IGFBP1: variants seen among roughly 807,000 people sequenced by gnomAD.
IGFBP1 encodes the protein insulin-like growth factor-binding protein 1.
A neutral mutation model predicts 23.1 loss-of-function variants in IGFBP1; 31 were observed. The observed-to-expected ratio is 1.34, with a 90% confidence interval of 1.01 to 1.81. IGFBP1 has a LOEUF of 1.81. IGFBP1 is among the 40% of genes most tolerant of loss of function. The pLI, the probability that IGFBP1 is intolerant of heterozygous loss-of-function variation, is 0.00. For missense variants in IGFBP1, 333 were observed against 342.2 expected (o/e 0.97, Z 0.21); for synonymous variants, 148 against 145.5 (o/e 1.02, Z -0.13).
chr7:45,893,187 T>C lies in IGFBP1; in HGVS notation c.*96T>C. The C allele has an allele frequency of 3.6e-6, 2 of 549,806 alleles. No homozygotes were observed. The highest frequency in any genetic ancestry group is 5.7e-5 in the South Asian group (1 of 17,396). The allele number at this position is 549,806 out of a possible 1,614,324, so 34.1% of individuals were successfully genotyped here. The stretch of plus-strand genomic sequence containing the variant: ...ACATTTATATATATATGTATATGTA[T>C]ATATATATAGTAACTACTTTTTATA... On this transcript the variant is annotated 3_prime_UTR_variant, in exon 4 of 4. Transcript: ENST00000275525.
intron 2 of IGFBP1, among the ~76,000 whole-genome samples, chr7:45,891,283 C>T (rs914353705): frequency 6.6e-6 from 1 of 152,186 alleles, no homozygotes; most frequent in Admixed American, 6.5e-5. Context: ...AATTCTACCA[C>T]TTGAGGGCGA....
Position 45,888,915 on chromosome 7 carries a change from CG to C in IGFBP1, c.268del (p.Glu90SerfsTer40), listed in dbSNP as rs747136225. Reference sequence around the variant, plus strand: ...CGGGGACTCAGTTGCCGCGCGCTGCCGGGGGAGCAGCAACCTCTGCACGCCC... The same window carrying C: ...CGGGGACTCAGTTGCCGCGCGCTGCCGGGGAGCAGCAACCTCTGCACGCCC... ...CARGLSCRAL[P>X]GEQQPLHALT... On this transcript the variant is annotated frameshift_variant, in exon 1 of 4. Coordinates refer to ENST00000275525, the MANE Select transcript of IGFBP1 (RefSeq NM_000596.4). LOFTEE classifies it high-confidence loss of function. The C allele has an allele frequency of 4.7e-6, 7 of 1,503,808 alleles. No individual in the cohort carries two copies. Among genetic ancestry groups the C allele is most frequent in the South Asian group, 3.8e-5 (3 of 79,364 alleles). 93.2% of individuals were successfully genotyped at this position (1,503,808 alleles called of 1,614,324 possible).
chr7:45,889,117 C>T lies in IGFBP1; in HGVS notation c.349+116C>T. Reference sequence around the variant, plus strand: ...CTGCAGCCGGGCAGGGGCTTGTCCACAACTAGAGCTTGAAACCAGAGCACG... The same window carrying T: ...CTGCAGCCGGGCAGGGGCTTGTCCATAACTAGAGCTTGAAACCAGAGCACG... On this transcript the variant is annotated intron_variant, in intron 1 of 3. Coordinates refer to ENST00000275525, the MANE Select transcript of IGFBP1 (RefSeq NM_000596.4). 4 of 759,470 alleles carry T rather than the reference C, an allele frequency of 5.3e-6. No homozygotes were observed. In the South Asian group the frequency reaches 8.2e-5, roughly 16 times the overall value. 47.0% of individuals were successfully genotyped at this position (759,470 alleles called of 1,614,324 possible). A position where few individuals can be genotyped will look rare whatever the true frequency, so the allele number is the denominator to read the frequency against.
In IGFBP1 at chr7:45,888,545, C is replaced by CAG. The variant is rs1787014718; in HGVS notation, c.-103_-102dup. The CAG allele has an allele frequency of 7.3e-6, 7 of 959,850 alleles. No individual in the cohort carries two copies. The East Asian group carries it at 1.9e-4, about 26-fold the overall frequency. 59.5% of individuals were successfully genotyped at this position (959,850 alleles called of 1,614,324 possible). On this transcript the variant is annotated 5_prime_UTR_variant, in exon 1 of 4. Coordinates refer to ENST00000275525, the MANE Select transcript of IGFBP1 (RefSeq NM_000596.4). ...TGCCGCCGCGCCGCCGCCACCCTCC[C>CAG]AGAGAGCACTGGCCACCGCTCCACC...
chr7:45,888,675 G>C lies in IGFBP1; in HGVS notation c.23G>C (p.Arg8Pro). MSEVPVA[R>P]VWLVLLLLTV... ...GAGATGTCAGAGGTCCCCGTTGCTC[G>C]CGTCTGGCTGGTACTGCTCCTGCTG... Residue 8 changes from arginine (R) to proline (P), a missense_variant, in exon 1 of 4, where the codon CGC becomes CCC. Transcript: ENST00000275525. 1 of 1,598,174 alleles carries C rather than the reference G, an allele frequency of 6.3e-7. No individual in the cohort carries two copies. The highest frequency in any genetic ancestry group is 8.5e-7 in the Non-Finnish European group (1 of 1,179,500).
chr7:45,891,047 A>G (rs977571534), intron 2 of IGFBP1, among the ~76,000 whole-genome samples: 6 of 152,176 alleles, frequency 3.9e-5, no homozygotes, highest in African/African-American at 1.4e-4. Flanking sequence ...TTTCACCCCC[A>G]TTGTATGATT....
chr7:45,890,384 C>G (rs1294436594), intron 1 of IGFBP1, among the ~76,000 whole-genome samples, 164 bp from the exon 2 acceptor site: 1 of 152,174 alleles, frequency 6.6e-6, no homozygotes, highest in Non-Finnish European at 1.5e-5. Context: ...TCCTGGAAAC[C>G]ATTACAAGGT....
At position 45,889,011 on chromosome 7, in the gene IGFBP1, TCCCGCCCCTGCTCCAGCACCTCCTGCCG is replaced by T. The variant is rs770954983; in HGVS notation, c.349+19_349+46del. ...GCTCCCCATGCTGCAGGTACCACAG[TCCCGCCCCTGCTCCAGCACCTCCTGCCG>T]CCCGCCCCCGCCCGGCACCTCCCGC... On this transcript the variant is annotated intron_variant, in intron 1 of 3. Transcript: ENST00000275525. 3 of 1,498,806 alleles carry T rather than the reference TCCCGCCCCTGCTCCAGCACCTCCTGCCG, an allele frequency of 2.0e-6. No individual in the cohort carries two copies. The highest frequency in any genetic ancestry group is 1.4e-5 in the African/African-American group (1 of 69,048). The allele number at this position is 1,498,806 out of a possible 1,614,324, so 92.8% of individuals were successfully genotyped here. A position where few individuals can be genotyped will look rare whatever the true frequency, so the allele number is the denominator to read the frequency against.
chr7:45,890,185 C>T (rs2116547517), intron 1 of IGFBP1, among the ~76,000 whole-genome samples: 1 of 152,310 alleles, frequency 6.6e-6, no homozygotes, highest in East Asian at 1.9e-4. Flanking sequence ...GGTTTCGAGG[C>T]TCCCTACTAA....
rs769848520 is a variant in IGFBP1, at chr7:45,888,907, C to T, written c.255C>T (p.Arg85=). The T allele has an allele frequency of 3.2e-5, 48 of 1,499,958 alleles. No homozygotes were observed. In the South Asian group the frequency reaches 5.6e-4, roughly 17 times the overall value. The allele number at this position is 1,499,958 out of a possible 1,614,324, so 92.9% of individuals were successfully genotyped here. A position where few individuals can be genotyped will look rare whatever the true frequency, so the allele number is the denominator to read the frequency against. Reference sequence around the variant, plus strand: ...GCTGCGCCCGGGGACTCAGTTGCCGCGCGCTGCCGGGGGAGCAGCAACCTC... The same window carrying T: ...GCTGCGCCCGGGGACTCAGTTGCCGTGCGCTGCCGGGGGAGCAGCAACCTC... The part of the protein sequence containing the change: ...TARCARGLSC[R]ALPGEQQPLH... Residue 85 remains arginine (R), a synonymous_variant, in exon 1 of 4, where the codon CGC becomes CGT. Coordinates refer to ENST00000275525, the MANE Select transcript of IGFBP1 (RefSeq NM_000596.4).
chr7:45,892,086 G>C (rs752943844), intron 3 of IGFBP1, 26 bp downstream of exon 3: 2 of 1,612,064 alleles, frequency 1.2e-6, no homozygotes, highest in South Asian at 1.1e-5. Context: ...AGTGTGCGTC[G>C]TCAGGGTGAA....
In IGFBP1 at chr7:45,893,142, A is replaced by C. The variant is rs1787113284; in HGVS notation, c.*51A>C. 2 of 1,293,648 alleles carry C rather than the reference A, an allele frequency of 1.5e-6. No homozygotes were observed. Among genetic ancestry groups the C allele is most frequent in the South Asian group, 2.6e-5 (2 of 76,694 alleles). The allele number at this position is 1,293,648 out of a possible 1,614,324, so 80.1% of individuals were successfully genotyped here. A position where few individuals can be genotyped will look rare whatever the true frequency, so the allele number is the denominator to read the frequency against. ...CGTGAAATATTTAAGTATATAGTAT[A>C]TTTATACTCTAGAACATGCACATTT... On this transcript the variant is annotated 3_prime_UTR_variant, in exon 4 of 4. Coordinates refer to ENST00000275525, the MANE Select transcript of IGFBP1 (RefSeq NM_000596.4).
At chr7:45,889,876 G>A (rs9658201) in intron 1 of IGFBP1, among the ~76,000 whole-genome samples, 4,311 of 152,230 alleles carry the variant, frequency 0.028, 224 homozygotes, top group African/African-American at 0.098. Flanking sequence ...CAGAGGAAAT[G>A]AAAGGGAGTC....
rs757668092 is a variant in IGFBP1, at chr7:45,888,634, C to G, written c.-19C>G. The G allele has an allele frequency of 3.2e-6, 5 of 1,587,266 alleles. No individual in the cohort carries two copies. Among genetic ancestry groups the G allele is most frequent in the Non-Finnish European group, 4.3e-6 (5 of 1,173,938 alleles). On this transcript the variant is annotated 5_prime_UTR_variant, in exon 1 of 4. Coordinates refer to ENST00000275525, the MANE Select transcript of IGFBP1 (RefSeq NM_000596.4). The stretch of plus-strand genomic sequence containing the variant: ...CAGCCCAGAGAGCATCGGCCCCTGT[C>G]TGCTGCTCGCGCCTGGAGATGTCAG...
In IGFBP1 at chr7:45,888,941, C is replaced by A; in HGVS notation, c.289C>A (p.Leu97Ile). 6.6e-7 allele frequency: 1 copy of A among 1,523,698 alleles called. No individual in the cohort carries two copies. 94.4% of individuals were successfully genotyped at this position (1,523,698 alleles called of 1,614,324 possible). The stretch of plus-strand genomic sequence containing the variant: ...GGGGGAGCAGCAACCTCTGCACGCC[C>A]TCACCCGCGGCCAAGGCGCCTGCGT... Reference protein sequence around the residue: ...LPGEQQPLHALTRGQGACVQE... With the variant: ...LPGEQQPLHAITRGQGACVQE... Residue 97 changes from leucine to isoleucine, a missense_variant, in exon 1 of 4, where the codon CTC becomes ATC. By Grantham distance (5) the Leu-to-Ile change is conservative. Transcript: ENST00000275525.
chr7:45,889,851 G>A (rs1583660406), intron 1 of IGFBP1, among the ~76,000 whole-genome samples: 1 of 152,248 alleles, frequency 6.6e-6, no homozygotes. Flanking sequence ...GATTTCCTGC[G>A]GATTCTCTGC....
At chr7:45,892,764 C>T (rs565266585) in intron 3 of IGFBP1, among the ~76,000 whole-genome samples, 196 bp from the exon 4 acceptor site, 44 of 152,354 alleles carry the variant, frequency 2.9e-4, no homozygotes, top group South Asian at 1.0e-3. Context: ...ACATGCCACT[C>T]GGTCACTGTC....
In IGFBP1 at chr7:45,888,781, G is replaced by C. The variant is rs776642572; in HGVS notation, c.129G>C (p.Pro43=). 5.1e-6 allele frequency: 8 copies of C among 1,580,404 alleles called. No homozygotes were observed. The highest frequency in any genetic ancestry group is 6.8e-6 in the Non-Finnish European group (8 of 1,172,234). The change falls in exon 1 of 4, where the codon CCG becomes CCC. Residue 43 remains proline, a synonymous_variant. Coordinates refer to ENST00000275525, the MANE Select transcript of IGFBP1 (RefSeq NM_000596.4). ...CCGAGAAGCTCGCGCTCTGCCCGCC[G>C]GTGTCCGCCTCGTGCTCGGAGGTCA... ...CSAEKLALCP[P]VSASCSEVTR... is the part of the protein sequence containing the mutation.
Position 45,892,945 on chromosome 7 carries a change from G to C in IGFBP1, c.649-15G>C, listed in dbSNP as rs747805510. The C allele has an allele frequency of 6.2e-7, 1 of 1,609,716 alleles. No individual in the cohort carries two copies. The highest frequency in any genetic ancestry group is 8.5e-7 in the Non-Finnish European group (1 of 1,177,640). The stretch of plus-strand genomic sequence containing the variant: ...TTGTCATCTGCTGCTCTTGACCTTG[G>C]TCTTGTCTTTGCAGTGTGAGACATC... On this transcript the variant is annotated splice_polypyrimidine_tract_variant and intron_variant, in intron 3 of 3. Transcript: ENST00000275525.
Sources: gnomAD v4.1 joint callset for allele counts (sites outside exome capture counted in the v4.1 genomes callset) on GRCh38, gnomAD v4.1.1 for gene constraint, MANE v1.5 for transcripts, NCBI Gene and HGNC (gene_info 2026-07-23, HGNC 2026-07-21) for gene names.